Variants in GARIN2 observed in about 807,000 individuals in gnomAD.
GARIN2 encodes golgi associated RAB2 interactor family member 2.
At chr14:67,209,538 G>C in the GARIN2 span, among the ~76,000 whole-genome samples, 2,911 of 152,176 alleles carry the variant, frequency 0.019, 38 homozygotes, top group Middle Eastern at 0.034. Context: ...AAGCATAATA[G>C]GCCGGGTGTG....
chr14:67,193,895 T>C, the GARIN2 span, among the ~76,000 whole-genome samples: 13 of 131,636 alleles, frequency 9.9e-5, no homozygotes, highest in African/African-American at 3.6e-4. Context: ...CAGTGAGCAA[T>C]GATCACACCA....
chr14:67,205,700 G>T, the GARIN2 span, among the ~76,000 whole-genome samples: 4 of 152,324 alleles, frequency 2.6e-5, no homozygotes, highest in South Asian at 8.3e-4. Context: ...GGACTGGAAA[G>T]TTGCTTAAAA....
At chr14:67,202,499 G>T in the GARIN2 span, among the ~76,000 whole-genome samples, 1 of 151,872 alleles carries the variant, frequency 6.6e-6, no homozygotes. Context: ...CTAAAATAAG[G>T]GCAATAAATA....
the GARIN2 span, among the ~76,000 whole-genome samples, chr14:67,203,930 T>A: frequency 6.6e-6 from 1 of 152,200 alleles, no homozygotes; most frequent in Non-Finnish European, 1.5e-5. Flanking sequence ...CAGGCTGGTA[T>A]TGAACTCCTG....
the GARIN2 span, chr14:67,198,287 A>G: frequency 2.5e-6 from 4 of 1,613,810 alleles, no homozygotes; most frequent in Non-Finnish European, 2.5e-6. Flanking sequence ...CCCCTTTTGT[A>G]TCTCCTCCCA....
chr14:67,221,974 ACT>A, the GARIN2 span: 2 of 767,896 alleles, frequency 2.6e-6, no homozygotes, highest in Non-Finnish European at 3.9e-6. Flanking sequence ...TACTGAAGAA[ACT>A]CTTTCTCAAA....
the GARIN2 span, chr14:67,221,939 A>C: frequency 8.9e-7 from 1 of 1,127,452 alleles, no homozygotes; most frequent in Non-Finnish European, 1.3e-6. Context: ...TCCTTTCTTC[A>C]CTATGCTCCA....
chr14:67,219,322 G>A, the GARIN2 span, among the ~76,000 whole-genome samples: 1 of 152,194 alleles, frequency 6.6e-6, no homozygotes, highest in Non-Finnish European at 1.5e-5. Context: ...GGCAGATCTA[G>A]TCCACATGGG....
the GARIN2 span, among the ~76,000 whole-genome samples, chr14:67,225,926 AGTGT>A: frequency 0.039 from 5,370 of 136,692 alleles, 243 homozygotes; most frequent in African/African-American, 0.12. Context: ...TAATGCTGTG[AGTGT>A]GTGTGTGTGT....
the GARIN2 span, among the ~76,000 whole-genome samples, chr14:67,194,694 G>A: frequency 1.3e-5 from 2 of 152,158 alleles, no homozygotes; most frequent in South Asian, 2.1e-4. Context: ...GTAGAGATGG[G>A]GTTTCACCTT....
the GARIN2 span, among the ~76,000 whole-genome samples, chr14:67,215,219 T>A: frequency 3.3e-5 from 5 of 152,160 alleles, no homozygotes; most frequent in African/African-American, 1.2e-4. Flanking sequence ...TCTGCTTTTA[T>A]AGCTGTGGAA....
chr14:67,212,662 A>G, the GARIN2 span, among the ~76,000 whole-genome samples: 1 of 147,160 alleles, frequency 6.8e-6, no homozygotes, highest in African/African-American at 2.5e-5. Flanking sequence ...TATAATATAT[A>G]TTTACACATA....
the GARIN2 span, chr14:67,199,564 T>A: frequency 6.3e-7 from 1 of 1,598,116 alleles, no homozygotes; most frequent in South Asian, 1.1e-5. Flanking sequence ...AGTACCTCTG[T>A]AACCACCCTA....
the GARIN2 span, among the ~76,000 whole-genome samples, chr14:67,193,252 ATC>A: frequency 1.4e-5 from 2 of 138,824 alleles, no homozygotes; most frequent in African/African-American, 2.6e-5. Flanking sequence ...CTATCTATAT[ATC>A]TCTATATAGA....
the GARIN2 span, among the ~76,000 whole-genome samples, chr14:67,206,307 G>A: frequency 9.7e-4 from 148 of 152,160 alleles, no homozygotes; most frequent in Non-Finnish European, 1.8e-3. Context: ...AGACTAGCCT[G>A]GCCAACATGG....
At chr14:67,225,962 T>TGTGTGTGTGTGCGC in the GARIN2 span, among the ~76,000 whole-genome samples, 42 of 113,514 alleles carry the variant, frequency 3.7e-4, no homozygotes, top group African/African-American at 1.2e-3. Context: ...TGTGTGTGTG[T>TGTGTGTGTGTGCGC]GCGCGCGCGC....
chr14:67,204,437 G>T, the GARIN2 span: 21 of 1,391,104 alleles, frequency 1.5e-5, no homozygotes, highest in Non-Finnish European at 1.8e-5. Flanking sequence ...GTGAGAACTT[G>T]TCTCAAAACA....
the GARIN2 span, chr14:67,199,832 C>A: frequency 1.3e-6 from 2 of 1,497,210 alleles, no homozygotes; most frequent in Non-Finnish European, 1.8e-6. Flanking sequence ...ACCTGGGATA[C>A]CCCCAGCCAT....
the GARIN2 span, among the ~76,000 whole-genome samples, chr14:67,212,538 C>T: frequency 6.9e-6 from 1 of 145,628 alleles, no homozygotes; most frequent in Non-Finnish European, 1.5e-5. Flanking sequence ...CTGCAGTGAG[C>T]CATGATAGAG....
Sources: gnomAD v4.1 joint callset for allele counts (sites outside exome capture counted in the v4.1 genomes callset) on GRCh38, gnomAD v4.1.1 for gene constraint, MANE v1.5 for transcripts, NCBI Gene and HGNC (gene_info 2026-07-23, HGNC 2026-07-21) for gene names.